RBFOX1: variants seen among roughly 807,000 people sequenced by gnomAD.
RBFOX1 encodes the protein RNA binding protein fox-1 homolog 1.
In RBFOX1, 8 loss-of-function variants were observed where a neutral mutation model predicts 57.7. The observed-to-expected ratio is 0.14, with a 90% CI of 0.08 to 0.25. The LOEUF is 0.25. Ranked by LOEUF, RBFOX1 falls within the 10% of genes least tolerant of loss-of-function variation. The probability of loss-of-function intolerance (pLI) is 1.00; values close to 1 mark genes in which losing one functional copy is unlikely to be tolerated. For missense variants in RBFOX1, 611 were observed against 548.5 expected (o/e 1.11, Z -1.14); for synonymous variants, 326 against 222.4 (o/e 1.47, Z -4.15).
At chr16:7,021,162 C>T (rs937718563) in intron 3 of RBFOX1, among the ~76,000 whole-genome samples, 4 of 151,888 alleles carry the variant, frequency 2.6e-5, no homozygotes, top group Non-Finnish European at 5.9e-5. Flanking sequence ...AATGAATAAA[C>T]GAAGCATCAC....
intron 4 of RBFOX1, among the ~76,000 whole-genome samples, chr16:7,062,863 A>G (rs957945382): frequency 7.3e-6 from 1 of 136,378 alleles, no homozygotes; most frequent in African/African-American, 2.8e-5. Context: ...TCCGTCCCTT[A>G]AGCTACCTCA....
At position 7,188,466 on chromosome 16, in the gene RBFOX1, T is replaced by C. The variant is rs529567415; in HGVS notation, c.27+136368T>C. Reference sequence around the variant, plus strand: ...AGCTTTTAGCTGCATGTTACAGAGGTCTAATATGGACCCTAACTGAAGTTA... The same window carrying C: ...AGCTTTTAGCTGCATGTTACAGAGGCCTAATATGGACCCTAACTGAAGTTA... On this transcript the variant is annotated intron_variant, in intron 4 of 15. Transcript: ENST00000550418. Among the ~76,000 whole-genome samples, 4 of 152,224 alleles carry C rather than the reference T, an allele frequency of 2.6e-5. No individual in the cohort carries two copies. The East Asian group carries it at 7.7e-4, about 29-fold the overall frequency.
Position 6,062,147 on chromosome 16 carries a change from T to C in RBFOX1, c.-127+42155T>C, listed in dbSNP as rs187022140. Among the ~76,000 whole-genome samples, 343 of 152,324 alleles carry C rather than the reference T, an allele frequency of 2.3e-3. 3 individuals are homozygous for C. The highest frequency in any genetic ancestry group is 1.5e-3 in the Non-Finnish European group (105 of 68,034). On this transcript the variant is annotated intron_variant, in intron 1 of 15. Transcript: ENST00000550418. ...ATGTGGATAGGCGTGCAGAGCTTCC[T>C]TGCCGTCTCTGGGTGCATCACCTTC...
intron 2 of RBFOX1, among the ~76,000 whole-genome samples, chr16:6,393,384 C>A (rs902115951): frequency 6.6e-6 from 1 of 152,138 alleles, no homozygotes; most frequent in Non-Finnish European, 1.5e-5. Context: ...CAGGGAAGGA[C>A]AGCTGGTCTT....
At chr16:5,769,970 C>G (rs1439189044) in intron 3 of RBFOX1, among the ~76,000 whole-genome samples, 1 of 152,144 alleles carries the variant, frequency 6.6e-6, no homozygotes, top group Non-Finnish European at 1.5e-5. Flanking sequence ...GTGCTAGAGA[C>G]TTGTACTCCT....
intron 2 of RBFOX1, among the ~76,000 whole-genome samples, chr16:6,403,906 A>G (rs992139783): frequency 2.6e-5 from 4 of 152,196 alleles, no homozygotes; most frequent in African/African-American, 9.7e-5. Context: ...GACTGGTGGC[A>G]TTATAAGAAG....
chr16:7,099,013 G>T (rs147581730), intron 4 of RBFOX1, among the ~76,000 whole-genome samples: 7 of 152,260 alleles, frequency 4.6e-5, no homozygotes, highest in East Asian at 1.9e-4. Context: ...TGGTGGGTCA[G>T]TGTCCAAACT....
chr16:5,940,840 C>G (rs2059264123), intron 4 of RBFOX1, among the ~76,000 whole-genome samples: 1 of 152,096 alleles, frequency 6.6e-6, no homozygotes, highest in South Asian at 2.1e-4. Flanking sequence ...CGCTTGGGAT[C>G]TAGGTGGCTG....
intron 4 of RBFOX1, among the ~76,000 whole-genome samples, chr16:7,493,810 C>T (rs911355239): frequency 6.6e-6 from 1 of 152,182 alleles, no homozygotes; most frequent in Non-Finnish European, 1.5e-5. Flanking sequence ...TTGTGTGAAG[C>T]CACAATGTTT....
chr16:7,659,191 A>G (rs1018229557), intron 12 of RBFOX1, among the ~76,000 whole-genome samples: 12 of 152,178 alleles, frequency 7.9e-5, no homozygotes, highest in African/African-American at 2.7e-4. Context: ...AGAAGACTCT[A>G]TATTATTTGG....
At chr16:5,731,289 A>G (rs768663388) in intron 3 of RBFOX1, among the ~76,000 whole-genome samples, 1 of 151,914 alleles carries the variant, frequency 6.6e-6, no homozygotes, top group Middle Eastern at 3.4e-3. Flanking sequence ...TGTCATCACT[A>G]TCACCACCAC....
chr16:7,127,438 C>T (rs977862552), intron 4 of RBFOX1, among the ~76,000 whole-genome samples: 1 of 152,154 alleles, frequency 6.6e-6, no homozygotes, highest in Non-Finnish European at 1.5e-5. Flanking sequence ...CTTATATATA[C>T]TGTTATGTCA....
chr16:6,842,000 G>A (rs572685369), intron 3 of RBFOX1, among the ~76,000 whole-genome samples: 7 of 151,674 alleles, frequency 4.6e-5, no homozygotes, highest in South Asian at 2.1e-4. Context: ...AAAATTAGCC[G>A]GGCGTGGTGG....
intron 2 of RBFOX1, among the ~76,000 whole-genome samples, chr16:6,568,457 G>A (rs769184905): frequency 6.6e-6 from 1 of 152,146 alleles, no homozygotes; most frequent in Non-Finnish European, 1.5e-5. Context: ...GAGAAAGAAG[G>A]GAGAGATGCT....
chr16:6,114,883 A>C (rs1227290824), intron 1 of RBFOX1, among the ~76,000 whole-genome samples: 1 of 152,186 alleles, frequency 6.6e-6, no homozygotes, highest in South Asian at 2.1e-4. Context: ...ACTCATAGGC[A>C]CTGAGCCCAG....
At chr16:6,531,859 C>A (rs2096662518) in intron 2 of RBFOX1, among the ~76,000 whole-genome samples, 1 of 152,144 alleles carries the variant, frequency 6.6e-6, no homozygotes, top group African/African-American at 2.4e-5. Flanking sequence ...CTTTGTGGAC[C>A]AATTAGGGCT....
Position 6,324,686 on chromosome 16 carries a change from T to C in RBFOX1, c.-64+7629T>C, listed in dbSNP as rs533303681. Among the ~76,000 whole-genome samples, 86 of 152,348 alleles carry C rather than the reference T, an allele frequency of 5.6e-4. 1 individual carries two copies. In the South Asian group the frequency reaches 0.018, roughly 31 times the overall value. Reference sequence around the variant, plus strand: ...CTACCACCTGGCTCACTTCTGACGTTGAGGATTACCGTTCAACATGAGATT... The same window carrying C: ...CTACCACCTGGCTCACTTCTGACGTCGAGGATTACCGTTCAACATGAGATT... On this transcript the variant is annotated intron_variant, in intron 2 of 15. Transcript: ENST00000550418.
intron 2 of RBFOX1, among the ~76,000 whole-genome samples, chr16:5,550,420 C>T (rs1276515846): frequency 6.6e-6 from 1 of 152,202 alleles, no homozygotes; most frequent in African/African-American, 2.4e-5. Context: ...CTGATTACCG[C>T]TCTGTTGGAT....
rs527731341 is a variant in RBFOX1 at position 7,068,119 on chromosome 16, C to A, written c.27+16021C>A. Reference sequence around the variant, plus strand: ...AAGGGTTCATGTGATTACGTTGGGTCCACCCAGATTATCCAGGATAATCTC... The same window carrying A: ...AAGGGTTCATGTGATTACGTTGGGTACACCCAGATTATCCAGGATAATCTC... On this transcript the variant is annotated intron_variant, in intron 4 of 15. Coordinates refer to ENST00000550418, the MANE Select transcript of RBFOX1 (RefSeq NM_018723.4). Among the ~76,000 whole-genome samples, 15 of 152,026 alleles carry A rather than the reference C, an allele frequency of 9.9e-5. No homozygotes were observed. In the East Asian group the frequency reaches 2.9e-3, roughly 29 times the overall value.
Sources: allele counts gnomAD v4.1 joint callset (sites outside exome capture counted in the v4.1 genomes callset), GRCh38; gene constraint gnomAD v4.1.1; transcripts MANE v1.5; gene names NCBI Gene and HGNC (gene_info 2026-07-23, HGNC 2026-07-21).